The following PTCHD4 variants were observed in gnomAD, a reference collection of about 807,000 sequenced individuals.
The protein encoded by PTCHD4 is patched domain containing 4.
In PTCHD4, 33 loss-of-function variants were observed where a neutral mutation model predicts 58.1. That is an observed-to-expected ratio of 0.57 (90% confidence interval 0.43 to 0.76). The LOEUF is 0.76. Ranked by LOEUF, PTCHD4 falls within the 30% of genes least tolerant of loss-of-function variation. The probability of loss-of-function intolerance (pLI) is 0.00; values close to 1 mark genes in which losing one functional copy is unlikely to be tolerated. For synonymous variants in PTCHD4, 478 were observed against 409.6 expected, an observed-to-expected ratio of 1.17 and a Z score of -2.02; for missense variants, 1,058 against 1,027.1, an observed-to-expected ratio of 1.03 and a Z score of -0.41.
chr6:48,083,267 GTAAC>G (rs1383796305), intron 1 of PTCHD4, among the ~76,000 whole-genome samples: 1 of 151,572 alleles, frequency 6.6e-6, no homozygotes, highest in Non-Finnish European at 1.5e-5. Context: ...TATTATATGG[GTAAC>G]TATATAACAA....
chr6:48,029,977 C>T (rs185691181), intron 3 of PTCHD4, among the ~76,000 whole-genome samples: 2 of 152,136 alleles, frequency 1.3e-5, no homozygotes, highest in Admixed American at 1.3e-4. Flanking sequence ...GTCAGAACAT[C>T]TTAGAGACCT....
chr6:47,930,143 G>C (rs1765763259), intron 4 of PTCHD4, among the ~76,000 whole-genome samples: 1 of 152,188 alleles, frequency 6.6e-6, no homozygotes. Flanking sequence ...GGATGCAAAA[G>C]AAAGGAAAGA....
intron 1 of PTCHD4, among the ~76,000 whole-genome samples, 173 bp downstream of exon 1, chr6:48,110,876 G>A (rs4715062): frequency 0.67 from 100,623 of 149,688 alleles, 34,939 homozygotes; most frequent in African/African-American, 0.86. Flanking sequence ...TACTTAAGAT[G>A]CCTCTCATTC....
chr6:47,978,045 T>C (rs960088958), intron 4 of PTCHD4, among the ~76,000 whole-genome samples: 4 of 152,112 alleles, frequency 2.6e-5, no homozygotes, highest in African/African-American at 2.4e-5. Context: ...TTGATAGAAA[T>C]AGAAACAGGG....
intron 4 of PTCHD4, chr6:47,902,079 C>A: frequency 2.5e-6 from 1 of 403,264 alleles, no homozygotes. Context: ...ACATAATAAC[C>A]TGTCTGATTC....
chr6:48,098,473 G>A (rs556834989), intron 1 of PTCHD4, among the ~76,000 whole-genome samples: 2 of 151,974 alleles, frequency 1.3e-5, no homozygotes, highest in East Asian at 1.9e-4. Context: ...TGAGTAGCTG[G>A]GATTACAGGT....
rs952298644 is a variant in PTCHD4 at position 47,872,863 on chromosome 6, C to A, written c.*5440G>T. ...TATATTCTTAACCCTATATATTGCT[C>A]TTTTGAGTTGTTTTCCGTTTTATAA... On this transcript the variant is annotated 3_prime_UTR_variant, in exon 5 of 5. Transcript: ENST00000339488. Among the ~76,000 whole-genome samples, 1 of 151,496 alleles carries A rather than the reference C, an allele frequency of 6.6e-6. No individual in the cohort carries two copies. The highest frequency in any genetic ancestry group is 6.6e-5 in the Admixed American group (1 of 15,148).
chr6:47,907,790 A>G (rs77581351), intron 4 of PTCHD4, among the ~76,000 whole-genome samples: 6,803 of 152,130 alleles, frequency 0.045, 201 homozygotes, highest in Non-Finnish European at 0.06. Context: ...TGGACTTCCA[A>G]TTCCACCTGT....
At chr6:48,083,613 A>G (rs1468658253) in intron 1 of PTCHD4, among the ~76,000 whole-genome samples, 2 of 152,184 alleles carry the variant, frequency 1.3e-5, no homozygotes, top group African/African-American at 4.8e-5. Flanking sequence ...TGAGACAGAG[A>G]ACTTTCTGAA....
In PTCHD4 at chr6:48,068,952, C is replaced by T. The variant is rs2113881403; in HGVS notation, c.5+1G>A. Reference sequence around the variant, plus strand: ...TCGCCGCCTCCCGCGCTGGCTCTCACCGCATGAGCAGCGTTCCCTCGGTCT... The same window carrying T: ...TCGCCGCCTCCCGCGCTGGCTCTCATCGCATGAGCAGCGTTCCCTCGGTCT... On this transcript the variant is annotated splice_donor_variant, in intron 2 of 4. Coordinates refer to ENST00000339488, the MANE Select transcript of PTCHD4 (RefSeq NM_001384253.1). LOFTEE classifies it high-confidence loss of function. The surrounding 1 kb of genome is among the most constrained non-coding windows in gnomAD (Gnocchi z 4.2). Among the ~76,000 whole-genome samples the T allele has an allele frequency of 6.6e-6, 1 of 151,688 alleles. No homozygotes were observed. The highest frequency in any genetic ancestry group is 2.1e-4 in the South Asian group (1 of 4,766).
In PTCHD4 at chr6:47,869,572, C is replaced by T. The variant is rs980931943; in HGVS notation, c.*8731G>A. The stretch of plus-strand genomic sequence containing the variant: ...TTTAGTAATTTATGTGTTTTAGAGA[C>T]ATTTGTGAACTTAGGGATTCATAAA... On this transcript the variant is annotated 3_prime_UTR_variant, in exon 5 of 5. Transcript: ENST00000339488. Among the ~76,000 whole-genome samples the T allele has an allele frequency of 1.3e-5, 2 of 151,542 alleles. No individual in the cohort carries two copies. The highest frequency in any genetic ancestry group is 4.8e-5 in the African/African-American group (2 of 41,326).
intron 1 of PTCHD4, among the ~76,000 whole-genome samples, chr6:48,104,102 G>A (rs1765666619): frequency 6.6e-6 from 1 of 152,090 alleles, no homozygotes; most frequent in East Asian, 1.9e-4. Context: ...TACAGAGAAT[G>A]CCACAAAGAT....
intron 3 of PTCHD4, among the ~76,000 whole-genome samples, chr6:48,050,194 C>A (rs332563): frequency 0.87 from 131,576 of 151,950 alleles, 56,942 homozygotes; most frequent in Middle Eastern, 0.87. Context: ...TCAGATGAGT[C>A]TTCCAAGAAA....
At chr6:48,034,031 T>C (rs1327141383) in intron 3 of PTCHD4, among the ~76,000 whole-genome samples, 2 of 152,102 alleles carry the variant, frequency 1.3e-5, no homozygotes, top group African/African-American at 2.4e-5. Context: ...GAAAGCACCT[T>C]CAGCAAGTCC....
At chr6:47,961,953 T>A (rs1767113362) in intron 4 of PTCHD4, among the ~76,000 whole-genome samples, 1 of 151,874 alleles carries the variant, frequency 6.6e-6, no homozygotes, top group African/African-American at 2.4e-5. Flanking sequence ...TAGAAAAGAA[T>A]GCAGAAGCAT....
chr6:47,926,120 A>T (rs929782335), intron 4 of PTCHD4, among the ~76,000 whole-genome samples: 1 of 152,200 alleles, frequency 6.6e-6, no homozygotes, highest in African/African-American at 2.4e-5. Flanking sequence ...TCAACATTGT[A>T]AATGCAATTG....
chr6:47,896,323 G>A (rs116288562), intron 4 of PTCHD4, among the ~76,000 whole-genome samples: 2,023 of 152,262 alleles, frequency 0.013, 21 homozygotes, highest in South Asian at 0.026. Flanking sequence ...AAAGAAACCC[G>A]TTTCTCTCTT....
In PTCHD4 at chr6:47,878,652, G is replaced by T; in HGVS notation, c.2183C>A (p.Pro728Gln). The part of the protein sequence containing the change: ...TLNFAIDHCA[P>Q]LLFTFVLATE... ...TGCTAATACAAATGTGAAAAGCAGT[G>T]GTGCACAGTGGTCAATGGCGAAATT... Residue 728 changes from proline (P) to glutamine (Q), a missense_variant, in exon 5 of 5, where the codon CCA (proline) becomes CAA (glutamine). Transcript: ENST00000339488. 1 of 1,613,584 alleles carries T rather than the reference G, an allele frequency of 6.2e-7. No individual in the cohort carries two copies.
At chr6:48,001,840 A>G (rs1768735020) in intron 4 of PTCHD4, among the ~76,000 whole-genome samples, 1 of 152,250 alleles carries the variant, frequency 6.6e-6, no homozygotes, top group Non-Finnish European at 1.5e-5. Context: ...GAATGGAAGA[A>G]AATTTTTGCA....
Sources: gnomAD v4.1 joint callset for allele counts (sites outside exome capture counted in the v4.1 genomes callset) on GRCh38, gnomAD v4.1.1 for gene constraint, Gnocchi (gnomAD v3.1) non-coding constraint, MANE v1.5 for transcripts, NCBI Gene and HGNC (gene_info 2026-07-23, HGNC 2026-07-21) for gene names.